Variants in ZNF69 observed in about 807,000 individuals in gnomAD.
The protein encoded by ZNF69 is ZNF3.
A neutral mutation model predicts 50.9 loss-of-function variants in ZNF69; 47 were observed. That is an observed-to-expected ratio of 0.92 (90% CI 0.73 to 1.18). The LOEUF is 1.18. Ranked by LOEUF, ZNF69 falls within the 50% of genes most tolerant of loss-of-function variation. ZNF69 has a pLI of 0.00. For synonymous variants in ZNF69, 216 were observed against 223.1 expected (o/e 0.97, Z 0.29); for missense variants, 717 against 675.1 (o/e 1.06, Z -0.69).
intron 1 of ZNF69, among the ~76,000 whole-genome samples, chr19:11,900,099 G>A (rs1294891025): frequency 6.6e-6 from 1 of 151,794 alleles, no homozygotes; most frequent in Non-Finnish European, 1.5e-5. Flanking sequence ...GATTACAGGT[G>A]TACGCCGCCA....
the ZNF69 span, among the ~76,000 whole-genome samples, chr19:11,977,715 G>A: frequency 6.6e-6 from 1 of 152,100 alleles, no homozygotes; most frequent in African/African-American, 2.4e-5. Flanking sequence ...AAATTAGCTG[G>A]GCATTGTGGT....
At chr19:11,923,322 A>G in the ZNF69 span, among the ~76,000 whole-genome samples, 4 of 152,276 alleles carry the variant, frequency 2.6e-5, no homozygotes, top group East Asian at 5.8e-4. Context: ...TCCTCTTCAT[A>G]AATTCCCACG....
chr19:11,966,876 C>G, the ZNF69 span, among the ~76,000 whole-genome samples: 1 of 152,112 alleles, frequency 6.6e-6, no homozygotes, highest in Admixed American at 6.6e-5. Flanking sequence ...ACAGGAAAAA[C>G]ACAGACTCTA....
chr19:11,979,980 A>G, the ZNF69 span: 6 of 1,204,456 alleles, frequency 5.0e-6, no homozygotes, highest in South Asian at 7.3e-5. Flanking sequence ...GAGAAACCCT[A>G]TGAGTGTAAG....
At chr19:11,892,415 G>A (rs569801731) in intron 1 of ZNF69, among the ~76,000 whole-genome samples, 3 of 152,192 alleles carry the variant, frequency 2.0e-5, no homozygotes, top group African/African-American at 4.8e-5. Flanking sequence ...TAGCCATGAA[G>A]TCTTTGTGTG....
chr19:11,901,315 T>C (rs1972238921), intron 1 of ZNF69, among the ~76,000 whole-genome samples: 2 of 152,222 alleles, frequency 1.3e-5, no homozygotes, highest in African/African-American at 4.8e-5. Flanking sequence ...TTATTTATGC[T>C]GGAGGTTGCA....
chr19:11,935,499 C>T, the ZNF69 span, among the ~76,000 whole-genome samples: 4 of 151,788 alleles, frequency 2.6e-5, no homozygotes, highest in Middle Eastern at 3.2e-3. Context: ...CCCAAAGTGC[C>T]GGGATTATAG....
At chr19:11,950,258 G>T in the ZNF69 span, 2 of 1,603,416 alleles carry the variant, frequency 1.2e-6, no homozygotes, top group East Asian at 2.2e-5. Flanking sequence ...AGCTAGCCTG[G>T]TTCCTTTTAT....
downstream of ZNF69, among the ~76,000 whole-genome samples, chr19:11,908,477 G>A (rs185337239): frequency 3.3e-5 from 5 of 152,066 alleles, no homozygotes; most frequent in African/African-American, 9.6e-5. Flanking sequence ...ACTGTCTCTC[G>A]GACCACAGAG....
chr19:11,940,332 C>G, the ZNF69 span, among the ~76,000 whole-genome samples: 1 of 152,092 alleles, frequency 6.6e-6, no homozygotes, highest in Non-Finnish European at 1.5e-5. Context: ...TGGACCCTTG[C>G]GGTGAGTGTT....
the ZNF69 span, among the ~76,000 whole-genome samples, chr19:11,919,993 ATCT>A: frequency 2.0e-5 from 3 of 152,158 alleles, no homozygotes; most frequent in East Asian, 3.9e-4. Flanking sequence ...ATGTCTCCAA[ATCT>A]TCTACTTTTC....
chr19:11,964,837 A>G, the ZNF69 span, among the ~76,000 whole-genome samples: 1 of 152,226 alleles, frequency 6.6e-6, no homozygotes, highest in Non-Finnish European at 1.5e-5. Flanking sequence ...GCAAATATCC[A>G]ATAATCAGAG....
chr19:11,945,720 T>G, the ZNF69 span, among the ~76,000 whole-genome samples: 12 of 152,034 alleles, frequency 7.9e-5, no homozygotes, highest in African/African-American at 2.9e-4. Context: ...TTCCTCCTCC[T>G]GGGGGACAGT....
exon 5 of ZNF69, chr19:11,913,414 A>C (rs1430261829): frequency 1.6e-5 from 9 of 575,622 alleles, no homozygotes; most frequent in Non-Finnish European, 2.8e-5. Context: ...TCCAGAAAAA[A>C]ATCTCACTCT....
In ZNF69 at chr19:11,906,056, T is replaced by C. The variant is rs1363607920; in HGVS notation, c.1659T>C (p.Gly553=). 1.2e-6 allele frequency: 2 copies of C among 1,612,820 alleles called. No individual in the cohort carries two copies. The highest frequency in any genetic ancestry group is 1.7e-6 in the Non-Finnish European group (2 of 1,179,614). The change falls in exon 4 of 4, where the codon GGT becomes GGC. Residue 553 remains glycine (G), a synonymous_variant. Transcript: ENST00000429654. ...FRAASVLRMH[G]RTHPEDKPYE... The stretch of plus-strand genomic sequence containing the variant: ...CTGCCTCAGTCCTTCGAATGCATGG[T>C]AGGACTCACCCTGAAGATAAACCCT...
the ZNF69 span, among the ~76,000 whole-genome samples, chr19:11,946,435 T>C: frequency 6.6e-6 from 1 of 152,136 alleles, no homozygotes; most frequent in Non-Finnish European, 1.5e-5. Flanking sequence ...AGGAGCTGAC[T>C]TCCCTTGGCG....
chr19:11,955,030 G>T, the ZNF69 span, among the ~76,000 whole-genome samples: 192 of 99,326 alleles, frequency 1.9e-3, 1 homozygote, highest in Middle Eastern at 7.5e-3. Context: ...TTGAGACAAA[G>T]CTTTACTCTT....
chr19:11,923,750 C>A, the ZNF69 span, among the ~76,000 whole-genome samples: 1 of 152,168 alleles, frequency 6.6e-6, no homozygotes, highest in Non-Finnish European at 1.5e-5. Flanking sequence ...CTTATTTACA[C>A]AATGGGATTG....
chr19:11,954,645 A>G, the ZNF69 span, among the ~76,000 whole-genome samples: 1 of 152,192 alleles, frequency 6.6e-6, no homozygotes, highest in East Asian at 1.9e-4. Flanking sequence ...AGCCACAGCA[A>G]CATGACGATT....
Sources: allele counts gnomAD v4.1 joint callset (sites outside exome capture counted in the v4.1 genomes callset), GRCh38; gene constraint gnomAD v4.1.1; transcripts MANE v1.5; gene names NCBI Gene and HGNC (gene_info 2026-07-23, HGNC 2026-07-21).